Variants in SPECC1 observed in about 807,000 individuals in gnomAD.
The protein encoded by SPECC1 is sperm antigen with calponin homology and coiled-coil domains 1, also known as cytospin-B.
A neutral mutation model predicts 104.1 loss-of-function variants in SPECC1; 62 were observed. The ratio of observed to expected loss-of-function variants is 0.60; its 90% CI spans 0.49 to 0.74. The LOEUF is 0.74. Among genes scored for constraint, SPECC1 ranks in the 30% least tolerant of loss-of-function variants. The pLI, the probability that SPECC1 is intolerant of heterozygous loss-of-function variation, is 0.00. For synonymous variants in SPECC1, 513 were observed against 501.6 expected, an observed-to-expected ratio of 1.02 and a Z score of -0.30; for missense variants, 1,306 against 1,310.5, an observed-to-expected ratio of 1.00 and a Z score of 0.05.
At chr17:20,218,792 T>A (rs867503765) in intron 4 of SPECC1, among the ~76,000 whole-genome samples, 3 of 152,194 alleles carry the variant, frequency 2.0e-5, no homozygotes, top group Non-Finnish European at 4.4e-5. Context: ...CATCCCTGTT[T>A]CCACCCCTGC....
chr17:20,272,163 A>T (rs1363337043), intron 12 of SPECC1, among the ~76,000 whole-genome samples: 2 of 152,016 alleles, frequency 1.3e-5, no homozygotes, highest in Non-Finnish European at 2.9e-5. Flanking sequence ...TTCTGGAATT[A>T]TTTCATTGGT....
chr17:20,065,201 T>C (rs4493121), intron 1 of SPECC1, among the ~76,000 whole-genome samples: 3,837 of 151,800 alleles, frequency 0.025, 164 homozygotes, highest in African/African-American at 0.087. Context: ...TGTATGGGGG[T>C]TTCTCTATAG....
chr17:20,215,124 G>A (rs1431070437), intron 4 of SPECC1, among the ~76,000 whole-genome samples: 1 of 152,266 alleles, frequency 6.6e-6, no homozygotes, highest in African/African-American at 2.4e-5. Context: ...AGTCCTCCAA[G>A]GCCGGGGCCT....
chr17:20,099,711 A>C (rs1056207187), intron 2 of SPECC1, among the ~76,000 whole-genome samples: 18 of 149,074 alleles, frequency 1.2e-4, no homozygotes, highest in East Asian at 5.8e-4. Flanking sequence ...AAAAAAAAAA[A>C]AAAAAAAAAC....
At chr17:20,138,957 C>G (rs1261180107) in intron 3 of SPECC1, among the ~76,000 whole-genome samples, 3 of 152,234 alleles carry the variant, frequency 2.0e-5, no homozygotes, top group South Asian at 4.2e-4. Context: ...AAAATAGGGC[C>G]AGATTTTGAC....
At position 20,316,748 on chromosome 17, in the gene SPECC1, G is replaced by A. The variant is rs1177985260; in HGVS notation, c.*2683G>A. ...GTCTTGCTCTGTCGCCCAGGCTGGAGTGCCAGTGGCGCGATTTCAGCTCAC... is the reference window on the plus strand; with the variant it reads ...GTCTTGCTCTGTCGCCCAGGCTGGAATGCCAGTGGCGCGATTTCAGCTCAC... On this transcript the variant is annotated 3_prime_UTR_variant, in exon 15 of 15. Coordinates refer to ENST00000395527, the MANE Select transcript of SPECC1 (RefSeq NM_001243439.2). 6 of 196,090 alleles carry A rather than the reference G, an allele frequency of 3.1e-5. No individual in the cohort carries two copies. Among genetic ancestry groups the A allele is most frequent in the Non-Finnish European group, 5.3e-5 (5 of 94,516 alleles). The allele number at this position is 196,090 out of a possible 1,614,324, so 12.1% of individuals were successfully genotyped here.
intron 1 of SPECC1, among the ~76,000 whole-genome samples, chr17:20,021,924 A>T (rs2044405367): frequency 6.7e-6 from 1 of 148,380 alleles, no homozygotes; most frequent in Non-Finnish European, 1.5e-5. Flanking sequence ...TTTACTATTT[A>T]TTATTATTAT....
intron 12 of SPECC1, among the ~76,000 whole-genome samples, chr17:20,277,838 T>C (rs1236719723): frequency 1.3e-5 from 2 of 152,210 alleles, no homozygotes; most frequent in Non-Finnish European, 2.9e-5. Context: ...ATGTGCCCTT[T>C]GATGAGGGGC....
At position 20,221,148 on chromosome 17, in the gene SPECC1, C is replaced by T. The variant is rs138814024; in HGVS notation, c.1864-6265C>T. Among the ~76,000 whole-genome samples the T allele has an allele frequency of 1.4e-3, 215 of 152,064 alleles. 6 individuals are homozygous for T. The East Asian group carries it at 0.039, about 28-fold the overall frequency. On this transcript the variant is annotated intron_variant, in intron 4 of 14. Transcript: ENST00000395527. ...CTTTTTTTCATGTATCTTTCTTTGT[C>T]TGGTTTTGTTATCAGGATAATACTG... is the stretch of plus-strand genomic sequence containing the variant.
At chr17:20,249,591 A>C (rs2085607112) in intron 9 of SPECC1, among the ~76,000 whole-genome samples, 1 of 152,220 alleles carries the variant, frequency 6.6e-6, no homozygotes, top group Non-Finnish European at 1.5e-5. Flanking sequence ...AATAAGTGAC[A>C]AGGTAGAGAA....
intron 4 of SPECC1, among the ~76,000 whole-genome samples, chr17:20,210,443 G>C (rs1473700132): frequency 6.6e-6 from 1 of 152,184 alleles, no homozygotes; most frequent in Non-Finnish European, 1.5e-5. Context: ...CAAGCATCTT[G>C]GTCCACCTGT....
intron 3 of SPECC1, among the ~76,000 whole-genome samples, chr17:20,198,578 G>A (rs2036195689): frequency 6.6e-6 from 1 of 152,288 alleles, no homozygotes; most frequent in East Asian, 1.9e-4. Context: ...AATCCAAAGA[G>A]AATAGCAGTT....
intron 4 of SPECC1, among the ~76,000 whole-genome samples, chr17:20,223,860 G>A (rs1192486983): frequency 1.3e-5 from 2 of 152,128 alleles, no homozygotes; most frequent in African/African-American, 4.8e-5. Context: ...CATTTGATGA[G>A]GTCATGTTTT....
At chr17:20,295,834 G>T (rs2041332419) in intron 12 of SPECC1, among the ~76,000 whole-genome samples, 1 of 152,152 alleles carries the variant, frequency 6.6e-6, no homozygotes, top group Admixed American at 6.5e-5. Context: ...AGCAGTTTCT[G>T]TTCATATCCT....
intron 7 of SPECC1, among the ~76,000 whole-genome samples, chr17:20,245,355 T>C (rs1383544589): frequency 6.6e-6 from 1 of 152,176 alleles, no homozygotes; most frequent in African/African-American, 2.4e-5. Context: ...TTGTCTCTGC[T>C]ACAGTCTCTG....
At chr17:20,226,496 A>AT (rs955673863) in intron 4 of SPECC1, among the ~76,000 whole-genome samples, 24 of 152,330 alleles carry the variant, frequency 1.6e-4, no homozygotes, top group African/African-American at 5.8e-4. Flanking sequence ...CCATTCAAGG[A>AT]TTGACCACAT....
chr17:20,145,962 A>G (rs1009061804), intron 3 of SPECC1, among the ~76,000 whole-genome samples: 2 of 152,240 alleles, frequency 1.3e-5, no homozygotes, highest in South Asian at 2.1e-4. Flanking sequence ...TGGAAAGTAT[A>G]GAAAGTTTCC....
chr17:20,211,346 C>T (rs1027907407), intron 4 of SPECC1, among the ~76,000 whole-genome samples: 2 of 152,330 alleles, frequency 1.3e-5, no homozygotes, highest in East Asian at 3.9e-4. Flanking sequence ...CAGCTCCTGT[C>T]AACAGGGCCT....
intron 1 of SPECC1, among the ~76,000 whole-genome samples, chr17:20,047,044 A>G (rs1182231): frequency 0.99 from 151,381 of 152,306 alleles, 75,260 homozygotes; most frequent in Middle Eastern, 1. Context: ...ATGGGACCAG[A>G]CTGATTTGAA....
Sources: gnomAD v4.1 joint callset for allele counts (sites outside exome capture counted in the v4.1 genomes callset) on GRCh38, gnomAD v4.1.1 for gene constraint, MANE v1.5 for transcripts, NCBI Gene and HGNC (gene_info 2026-07-23, HGNC 2026-07-21) for gene names.